Variants in TIAM1 observed in about 807,000 individuals in gnomAD.
The protein encoded by TIAM1 is rho guanine nucleotide exchange factor TIAM1.
Under a neutral mutation model 163.5 loss-of-function variants are expected in TIAM1, and 65 were observed. The observed-to-expected ratio is 0.40, with a 90% confidence interval of 0.33 to 0.49. The LOEUF is 0.49. Among genes scored for constraint, TIAM1 ranks in the 20% least tolerant of loss-of-function variants. The pLI is 0.77. For missense variants in TIAM1, 1,789 were observed against 2,044.7 expected, an observed-to-expected ratio of 0.87 and a Z score of 2.41; for synonymous variants, 833 against 810.1, an observed-to-expected ratio of 1.03 and a Z score of -0.48.
At chr21:31,464,991 C>A (rs1199452946) in intron 1 of TIAM1, among the ~76,000 whole-genome samples, 2 of 151,864 alleles carry the variant, frequency 1.3e-5, no homozygotes. Context: ...GCTTGGGGGA[C>A]AGAGTGAGAC....
At chr21:31,199,593 C>T (rs1314573014) in intron 12 of TIAM1, among the ~76,000 whole-genome samples, 3 of 151,176 alleles carry the variant, frequency 2.0e-5, no homozygotes, top group Admixed American at 6.6e-5. Context: ...TGCAGTGGCA[C>T]GATATTGGCT....
intron 2 of TIAM1, among the ~76,000 whole-genome samples, chr21:31,423,726 A>C (rs540367777): frequency 1.1e-4 from 16 of 147,834 alleles, no homozygotes; most frequent in African/African-American, 1.8e-4. Context: ...AAAAAAAAAA[A>C]AAACCTTGAA....
chr21:31,472,120 T>A (rs2045765606), intron 1 of TIAM1, among the ~76,000 whole-genome samples: 1 of 152,142 alleles, frequency 6.6e-6, no homozygotes, highest in Admixed American at 6.6e-5. Context: ...GACGGCCGTG[T>A]GCAAGTTATA....
At chr21:31,231,736 CCAGGCGGAATGG>C (rs1390792056) in intron 6 of TIAM1, among the ~76,000 whole-genome samples, 6 of 152,076 alleles carry the variant, frequency 3.9e-5, no homozygotes, top group Non-Finnish European at 5.9e-5. Flanking sequence ...GAGTTATGGG[CCAGGCGGAATGG>C]TTCATGCCTG....
chr21:31,184,471 C>A (rs1406713978), intron 14 of TIAM1, among the ~76,000 whole-genome samples: 1 of 152,092 alleles, frequency 6.6e-6, no homozygotes, highest in Non-Finnish European at 1.5e-5. Context: ...GTGTTGGGAT[C>A]GTGTTTGTGG....
chr21:31,199,050 CCTTT>C (rs1230690515), intron 12 of TIAM1, among the ~76,000 whole-genome samples: 3 of 152,174 alleles, frequency 2.0e-5, no homozygotes, highest in African/African-American at 7.2e-5. Flanking sequence ...TCACATCTTC[CCTTT>C]CTTTTATTAA....
chr21:31,340,077 C>T (rs1351584544), intron 1 of TIAM1, among the ~76,000 whole-genome samples: 1 of 151,976 alleles, frequency 6.6e-6, no homozygotes, highest in Non-Finnish European at 1.5e-5. Flanking sequence ...TAAACCAAGA[C>T]TCACTCCTTG....
At chr21:31,255,766 T>A (rs2072064129) in intron 4 of TIAM1, among the ~76,000 whole-genome samples, 2 of 152,214 alleles carry the variant, frequency 1.3e-5, no homozygotes, top group Admixed American at 1.3e-4. Context: ...TAAACATGGT[T>A]CATGATCTAG....
At chr21:31,310,824 G>C (rs959614761) in intron 2 of TIAM1, among the ~76,000 whole-genome samples, 1 of 152,186 alleles carries the variant, frequency 6.6e-6, no homozygotes, top group Non-Finnish European at 1.5e-5. Context: ...GAGAGAAGAA[G>C]GATGGCACTA....
intron 2 of TIAM1, among the ~76,000 whole-genome samples, chr21:31,415,776 G>C (rs1420962151): frequency 3.3e-5 from 5 of 152,172 alleles, no homozygotes; most frequent in Admixed American, 3.3e-4. Flanking sequence ...TTGAGCTCCT[G>C]GGTGATGTGG....
chr21:31,130,449 G>A (rs907925394), intron 24 of TIAM1, 134 bp from the exon 25 acceptor site: 4 of 666,838 alleles, frequency 6.0e-6, no homozygotes, highest in Non-Finnish European at 1.1e-5. Flanking sequence ...ACCCCCATGA[G>A]CTCCTGTCCA....
chr21:31,428,855 C>T (rs924797772), intron 2 of TIAM1, among the ~76,000 whole-genome samples: 1 of 151,130 alleles, frequency 6.6e-6, no homozygotes, highest in Admixed American at 6.6e-5. Flanking sequence ...TGTACTCCAG[C>T]CTGGGTGACA....
chr21:31,475,966 C>T (rs1326094194), intron 1 of TIAM1, among the ~76,000 whole-genome samples: 5 of 152,036 alleles, frequency 3.3e-5, no homozygotes, highest in South Asian at 4.2e-4. Context: ...ATGCCTAAAA[C>T]GGCTGCCTAC....
chr21:31,168,088 C>A (rs2084324042), intron 15 of TIAM1, among the ~76,000 whole-genome samples: 1 of 145,390 alleles, frequency 6.9e-6, no homozygotes. Flanking sequence ...CCCTGAGATT[C>A]TTATTATTTT....
At chr21:31,489,569 AG>A (rs1318798963) in intron 1 of TIAM1, among the ~76,000 whole-genome samples, 1 of 42,672 alleles carries the variant, frequency 2.3e-5, no homozygotes, top group East Asian at 8.3e-4. Flanking sequence ...GGAAAAGTGC[AG>A]ACCCCCCCCC....
intron 1 of TIAM1, among the ~76,000 whole-genome samples, chr21:31,486,566 T>C (rs1354804387): frequency 6.6e-6 from 1 of 152,230 alleles, no homozygotes; most frequent in African/African-American, 2.4e-5. Flanking sequence ...TGGGCTTGGT[T>C]GTGCCTTTTT....
intron 1 of TIAM1, among the ~76,000 whole-genome samples, chr21:31,479,339 C>G (rs994587386): frequency 6.6e-6 from 1 of 151,874 alleles, no homozygotes; most frequent in Non-Finnish European, 1.5e-5. Flanking sequence ...GTGATTCTGT[C>G]TGGTTATAAT....
rs2081898881 is a variant in TIAM1 at position 31,118,842 on chromosome 21, A to T, written c.*1526T>A. 2.9e-6 allele frequency: 1 copy of T among 350,592 alleles called. No individual in the cohort carries two copies. Among genetic ancestry groups the T allele is most frequent in the Non-Finnish European group, 5.6e-6 (1 of 179,562 alleles). The allele number at this position is 350,592 out of a possible 1,614,324, so 21.7% of individuals were successfully genotyped here. A position where few individuals can be genotyped will look rare whatever the true frequency, so the allele number is the denominator to read the frequency against. On this transcript the variant is annotated 3_prime_UTR_variant, in exon 28 of 28. Coordinates refer to ENST00000541036, the MANE Select transcript of TIAM1 (RefSeq NM_001353694.2). ...GAAACCCGAAAGGCGGGGGGAATAC[A>T]GGGTGGGAACGCAGGAAAAGCAGGC...
chr21:31,299,616 T>C (rs1263414040), intron 2 of TIAM1, among the ~76,000 whole-genome samples: 2 of 152,336 alleles, frequency 1.3e-5, no homozygotes, highest in East Asian at 3.9e-4. Flanking sequence ...AAATAGGGAC[T>C]GTTCCTAGAC....
Sources: allele counts gnomAD v4.1 joint callset (sites outside exome capture counted in the v4.1 genomes callset), GRCh38; gene constraint gnomAD v4.1.1; transcripts MANE v1.5; gene names NCBI Gene and HGNC (gene_info 2026-07-23, HGNC 2026-07-21).